GRB2: variants seen among roughly 807,000 people sequenced by gnomAD.
GRB2 encodes growth factor receptor bound protein 2, also known as growth factor receptor-bound protein 2.
GRB2 carries 2 observed loss-of-function variants against 27.4 expected under a neutral mutation model. The ratio of observed to expected loss-of-function variants is 0.07; its 90% CI spans 0.03 to 0.23. The LOEUF (loss-of-function observed/expected upper bound fraction) is 0.23. Among genes scored for constraint, GRB2 ranks in the 10% least tolerant of loss-of-function variants. GRB2 has a pLI of 1.00. For missense variants in GRB2, 102 were observed against 282.4 expected, an observed-to-expected ratio of 0.36 and a Z score of 4.58; for synonymous variants, 94 against 99.6, an observed-to-expected ratio of 0.94 and a Z score of 0.33.
Position 75,390,811 on chromosome 17 carries a change from T to C in GRB2, c.78+2740A>G, listed in dbSNP as rs116534516. Among the ~76,000 whole-genome samples the C allele has an allele frequency of 2.9e-3, 439 of 152,324 alleles. 7 individuals carry two copies. Among genetic ancestry groups the C allele is most frequent in the African/African-American group, 0.01 (431 of 41,560 alleles). On this transcript the variant is annotated intron_variant, in intron 2 of 5. Coordinates refer to ENST00000316804, the MANE Select transcript of GRB2 (RefSeq NM_002086.5). ...AGACAGAGGATGAAGGCTAAGTGCC[T>C]ATTTCATTATCTTGAAATGAAACTT...
At position 75,384,706 on chromosome 17, in the gene GRB2, A is replaced by G. The variant is rs538010031; in HGVS notation, c.78+8845T>C. Reference sequence around the variant, plus strand: ...TAACATAAAATAAAATAAATAATAAAACTGATACATATGGTAACTAATTCA... The same window carrying G: ...TAACATAAAATAAAATAAATAATAAGACTGATACATATGGTAACTAATTCA... On this transcript the variant is annotated intron_variant, in intron 2 of 5. Coordinates refer to ENST00000316804, the MANE Select transcript of GRB2 (RefSeq NM_002086.5). 5.9e-5 allele frequency among the ~76,000 whole-genome samples: 9 copies of G among 152,124 alleles called. 1 individual carries two copies. The South Asian group carries it at 1.9e-3, about 32-fold the overall frequency.
At chr17:75,328,369 G>GTGGC (rs1187152133) in intron 3 of GRB2, among the ~76,000 whole-genome samples, 1 of 151,940 alleles carries the variant, frequency 6.6e-6, no homozygotes, top group Non-Finnish European at 1.5e-5. Context: ...GCTGGGTGCG[G>GTGGC]TGGCTCAATG....
intron 2 of GRB2, among the ~76,000 whole-genome samples, chr17:75,351,546 C>A (rs1038923244): frequency 6.6e-6 from 1 of 152,004 alleles, no homozygotes; most frequent in African/African-American, 2.4e-5. Flanking sequence ...CCCAGCTACT[C>A]TGAGACTACA....
At chr17:75,375,451 A>C (rs2145858324) in intron 2 of GRB2, among the ~76,000 whole-genome samples, 1 of 152,294 alleles carries the variant, frequency 6.6e-6, no homozygotes, top group South Asian at 2.1e-4. Flanking sequence ...GACTCTACCC[A>C]ACAACAGCAG....
chr17:75,393,124 T>C (rs1329971687), intron 2 of GRB2, among the ~76,000 whole-genome samples: 22 of 152,228 alleles, frequency 1.4e-4, no homozygotes. Context: ...ACCAAAATCA[T>C]ATTCCAGAAC....
intron 2 of GRB2, among the ~76,000 whole-genome samples, chr17:75,383,642 G>A (rs1233516861): frequency 6.6e-6 from 1 of 152,180 alleles, no homozygotes; most frequent in Admixed American, 6.5e-5. Context: ...AGGAGTTCGA[G>A]ACCAGCCCGG....
At chr17:75,404,287 A>G (rs1383416694) in intron 1 of GRB2, among the ~76,000 whole-genome samples, 1 of 152,152 alleles carries the variant, frequency 6.6e-6, no homozygotes, top group Non-Finnish European at 1.5e-5. Context: ...GATGAATTCA[A>G]TCTTTTGAGC....
intron 1 of GRB2, among the ~76,000 whole-genome samples, chr17:75,402,532 T>C (rs188706094): frequency 1.6e-4 from 24 of 152,356 alleles, no homozygotes; most frequent in African/African-American, 5.8e-4. Flanking sequence ...GCAGTCTTAT[T>C]ATTTATGGCT....
At chr17:75,332,079 G>C (rs1305156673) in intron 3 of GRB2, among the ~76,000 whole-genome samples, 5 of 152,208 alleles carry the variant, frequency 3.3e-5, no homozygotes, top group Non-Finnish European at 7.3e-5. Flanking sequence ...TGTGAATGAG[G>C]GGTGGGTGAG....
At chr17:75,390,821 T>C (rs1436127366) in intron 2 of GRB2, among the ~76,000 whole-genome samples, 1 of 152,180 alleles carries the variant, frequency 6.6e-6, no homozygotes, top group Non-Finnish European at 1.5e-5. Context: ...TATTTCATTA[T>C]CTTGAAATGA....
At position 75,385,029 on chromosome 17, in the gene GRB2, CAAAAAAAAAAAAAAA is replaced by C. The variant is rs58860615; in HGVS notation, c.78+8507_78+8521del. On this transcript the variant is annotated intron_variant, in intron 2 of 5. Transcript: ENST00000316804. ...CAACAGTGAGACCTCCTGGCTCTAC[CAAAAAAAAAAAAAAA>C]AAAAAAAAAAAAAAGCAAACAAACA... is the stretch of plus-strand genomic sequence containing the variant. Among the ~76,000 whole-genome samples, 378 of 55,332 alleles carry C rather than the reference CAAAAAAAAAAAAAAA, an allele frequency of 6.8e-3. 6 individuals carry two copies. Among genetic ancestry groups the C allele is most frequent in the African/African-American group, 0.033 (350 of 10,640 alleles). 36.3% of individuals were successfully genotyped at this position (55,332 alleles called of 152,430 possible). A position where few individuals can be genotyped will look rare whatever the true frequency, so the allele number is the denominator to read the frequency against.
intron 2 of GRB2, among the ~76,000 whole-genome samples, chr17:75,341,447 TAAAA>T (rs61039194): frequency 0.59 from 65,041 of 110,122 alleles, 21,142 homozygotes; most frequent in East Asian, 0.79. Context: ...GTGACTCCAT[TAAAA>T]AAAAAAAAAA....
intron 2 of GRB2, among the ~76,000 whole-genome samples, chr17:75,342,628 T>C (rs1406822915): frequency 6.6e-6 from 1 of 152,070 alleles, no homozygotes; most frequent in Non-Finnish European, 1.5e-5. Context: ...AAGACTGCCA[T>C]GAGTTTGTTG....
intron 3 of GRB2, among the ~76,000 whole-genome samples, chr17:75,331,783 A>G (rs1311942102): frequency 6.6e-6 from 1 of 152,212 alleles, no homozygotes; most frequent in East Asian, 1.9e-4. Context: ...TCTTCACAGA[A>G]AAAGTTTAGC....
chr17:75,365,511 A>G (rs1471620482), intron 2 of GRB2, among the ~76,000 whole-genome samples: 4 of 152,222 alleles, frequency 2.6e-5, no homozygotes, highest in Non-Finnish European at 5.9e-5. Flanking sequence ...AGATGGGGAC[A>G]GGTTATTCTG....
intron 2 of GRB2, among the ~76,000 whole-genome samples, chr17:75,340,514 G>C (rs576226269): frequency 1.3e-5 from 2 of 152,262 alleles, no homozygotes. Context: ...CTAGAAAAGA[G>C]AAAACACACA....
rs2078445565 is a variant in GRB2, at chr17:75,319,814, C to G, written c.*554G>C. On this transcript the variant is annotated 3_prime_UTR_variant, in exon 6 of 6. Transcript: ENST00000316804. ...TACCCTACTCTACTGTGAACTTGGA[C>G]AAAATACACTGGGGGTCTGGGCTGG... 6.5e-6 allele frequency: 1 copy of G among 152,788 alleles called. No homozygotes were observed. The allele number at this position is 152,788 out of a possible 1,614,324, so 9.5% of individuals were successfully genotyped here.
chr17:75,346,097 C>T (rs2078652964), intron 2 of GRB2, among the ~76,000 whole-genome samples: 1 of 150,412 alleles, frequency 6.6e-6, no homozygotes, highest in African/African-American at 2.4e-5. Context: ...CGAGGTATTT[C>T]TGGAGGTAGA....
intron 2 of GRB2, among the ~76,000 whole-genome samples, chr17:75,335,664 G>T (rs2078572268): frequency 6.6e-6 from 1 of 152,114 alleles, no homozygotes. Flanking sequence ...CTTAGGATAA[G>T]GTGATAAATC....
Sources: allele counts gnomAD v4.1 joint callset (sites outside exome capture counted in the v4.1 genomes callset), GRCh38; gene constraint gnomAD v4.1.1; transcripts MANE v1.5; gene names NCBI Gene and HGNC (gene_info 2026-07-23, HGNC 2026-07-21).